Variants in SNTG1 observed in about 807,000 individuals in gnomAD.
SNTG1 encodes gamma-1-syntrophin.
A neutral mutation model predicts 74.7 loss-of-function variants in SNTG1; 39 were observed. That is an observed-to-expected ratio of 0.52 (90% CI 0.40 to 0.68). The LOEUF is 0.68. SNTG1 is among the 30% of genes least tolerant of loss of function. The pLI, the probability that SNTG1 is intolerant of heterozygous loss-of-function variation, is 0.00. For synonymous variants in SNTG1, 254 were observed against 217.1 expected, an observed-to-expected ratio of 1.17 and a Z score of -1.49; for missense variants, 685 against 609.5, an observed-to-expected ratio of 1.12 and a Z score of -1.30.
intron 12 of SNTG1, among the ~76,000 whole-genome samples, chr8:50,582,705 G>C (rs1191345200): frequency 6.6e-6 from 1 of 152,044 alleles, no homozygotes; most frequent in Non-Finnish European, 1.5e-5. Context: ...AAGTCTGGAG[G>C]TTCCCATTTA....
At chr8:49,983,711 T>C (rs1812887248) in intron 1 of SNTG1, among the ~76,000 whole-genome samples, 1 of 152,228 alleles carries the variant, frequency 6.6e-6, no homozygotes, top group African/African-American at 2.4e-5. Context: ...AGGGCTGGGA[T>C]GGTGCTGTCT....
chr8:50,536,569 T>G, intron 10 of SNTG1, 109 bp from the exon 11 acceptor site: 1 of 1,354,386 alleles, frequency 7.4e-7, no homozygotes, highest in East Asian at 2.3e-5. Context: ...ATTAAAGTCT[T>G]TTGATCATTT....
At chr8:50,645,009 G>A (rs2131195473) in intron 13 of SNTG1, among the ~76,000 whole-genome samples, 1 of 151,390 alleles carries the variant, frequency 6.6e-6, no homozygotes, top group South Asian at 2.1e-4. Flanking sequence ...GCCCACCTTG[G>A]CCGCCCACAG....
At position 50,103,296 on chromosome 8, in the gene SNTG1, T is replaced by C. The variant is rs567593276; in HGVS notation, c.-102-69265T>C. 2.2e-3 allele frequency among the ~76,000 whole-genome samples: 331 copies of C among 152,278 alleles called. 2 individuals are homozygous for C. Among genetic ancestry groups the C allele is most frequent in the African/African-American group, 7.6e-3 (315 of 41,576 alleles). ...TTCACGTCCTTAGTAAGTTGGATTC[T>C]TAGGTATTTTATTCTCTTTGAAGCA... On this transcript the variant is annotated intron_variant, in intron 1 of 18. Coordinates refer to ENST00000642720, the MANE Select transcript of SNTG1 (RefSeq NM_018967.5).
At chr8:50,310,355 T>C (rs2090061519) in intron 2 of SNTG1, among the ~76,000 whole-genome samples, 1 of 152,094 alleles carries the variant, frequency 6.6e-6, no homozygotes, top group Non-Finnish European at 1.5e-5. Context: ...GTTCTAAGAG[T>C]AGAATTTCAA....
At chr8:50,266,609 CATATGGT>C (rs1202567393) in intron 2 of SNTG1, among the ~76,000 whole-genome samples, 1 of 146,520 alleles carries the variant, frequency 6.8e-6, no homozygotes, top group Non-Finnish European at 1.5e-5. Context: ...TTTGGTGGGG[CATATGGT>C]ACCACAACAG....
intron 11 of SNTG1, among the ~76,000 whole-genome samples, chr8:50,548,879 C>T (rs1469176112): frequency 3.9e-5 from 6 of 152,088 alleles, no homozygotes; most frequent in Non-Finnish European, 7.4e-5. Context: ...GAAGTCCAGT[C>T]GATAGTCTTC....
chr8:50,445,043 C>T (rs1190073455), intron 5 of SNTG1, among the ~76,000 whole-genome samples: 1 of 152,192 alleles, frequency 6.6e-6, no homozygotes, highest in African/African-American at 2.4e-5. Context: ...ATTTATTCAT[C>T]ACCCTTTTAT....
chr8:50,499,478 C>T (rs1203342696), intron 8 of SNTG1, among the ~76,000 whole-genome samples: 1 of 150,300 alleles, frequency 6.7e-6, no homozygotes, highest in Non-Finnish European at 1.5e-5. Flanking sequence ...ATGTCATCTG[C>T]AGATAGAGGC....
At chr8:50,234,787 C>A (rs1322901480) in intron 2 of SNTG1, among the ~76,000 whole-genome samples, 1 of 152,038 alleles carries the variant, frequency 6.6e-6, no homozygotes, top group Admixed American at 6.6e-5. Context: ...TGGCATCAAG[C>A]AATCACTTCA....
rs1585577552 is a variant in SNTG1 at position 50,526,755 on chromosome 8, C to G, written c.467-3422C>G. 2.0e-5 allele frequency among the ~76,000 whole-genome samples: 3 copies of G among 152,178 alleles called. No individual in the cohort carries two copies. The East Asian group carries it at 5.8e-4, about 29-fold the overall frequency. On this transcript the variant is annotated intron_variant, in intron 9 of 18. Transcript: ENST00000642720. ...TTCTCCTGCTCAGCCACCCAAGTAG[C>G]TGGGACTACAGGCGCTTGCCACCAC...
Position 50,530,133 on chromosome 8 carries a change from A to G in SNTG1, c.467-44A>G, listed in dbSNP as rs372089863. The G allele has an allele frequency of 3.3e-6, 5 of 1,511,160 alleles. No homozygotes were observed. In the African/African-American group the frequency reaches 5.5e-5, roughly 17 times the overall value. 93.6% of individuals were successfully genotyped at this position (1,511,160 alleles called of 1,614,324 possible). A position where few individuals can be genotyped will look rare whatever the true frequency, so the allele number is the denominator to read the frequency against. ...ATGGAATGCATCAGTTTAGAAGGTT[A>G]TGGCATTCTCACCAGTGGAATGTTA... On this transcript the variant is annotated intron_variant, in intron 9 of 18. Transcript: ENST00000642720.
intron 12 of SNTG1, among the ~76,000 whole-genome samples, chr8:50,584,332 A>G (rs2094632701): frequency 6.6e-6 from 1 of 150,998 alleles, no homozygotes; most frequent in Non-Finnish European, 1.5e-5. Context: ...ATCCTTGAGG[A>G]ATCACCACAC....
At chr8:50,609,648 A>G (rs1276184879) in intron 13 of SNTG1, among the ~76,000 whole-genome samples, 1 of 152,128 alleles carries the variant, frequency 6.6e-6, no homozygotes, top group Non-Finnish European at 1.5e-5. Context: ...TTTCTGCCTT[A>G]GACTATCAAT....
rs946969613 is a variant in SNTG1, at chr8:50,459,979, C to A, written c.363+9250C>A. 3.9e-5 allele frequency among the ~76,000 whole-genome samples: 6 copies of A among 152,084 alleles called. No homozygotes were observed. In the East Asian group the frequency reaches 1.2e-3, roughly 29 times the overall value. ...TGGTGCTGCAATGAACAAGTGAATG[C>A]GTGTGTCTTTTCTGTAAAATGATTT... On this transcript the variant is annotated intron_variant, in intron 8 of 18. Coordinates refer to ENST00000642720, the MANE Select transcript of SNTG1 (RefSeq NM_018967.5).
intron 18 of SNTG1, among the ~76,000 whole-genome samples, chr8:50,760,409 C>G (rs1295873313): frequency 6.6e-6 from 1 of 151,988 alleles, no homozygotes; most frequent in Non-Finnish European, 1.5e-5. Context: ...GCATCCTTGT[C>G]TTGTGCCAGG....
chr8:50,102,076 T>C (rs1441611279), intron 1 of SNTG1, among the ~76,000 whole-genome samples: 1 of 152,034 alleles, frequency 6.6e-6, no homozygotes, highest in Non-Finnish European at 1.5e-5. Context: ...ATATAACCAG[T>C]AATGGAATGG....
At chr8:50,100,050 G>A (rs1054310093) in intron 1 of SNTG1, among the ~76,000 whole-genome samples, 1 of 151,896 alleles carries the variant, frequency 6.6e-6, no homozygotes, top group Admixed American at 6.6e-5. Context: ...TGCAAATGTG[G>A]TGTACATACA....
chr8:50,521,399 C>G (rs902000295), intron 9 of SNTG1, among the ~76,000 whole-genome samples: 2 of 152,110 alleles, frequency 1.3e-5, no homozygotes, highest in Non-Finnish European at 2.9e-5. Flanking sequence ...CACATGTACC[C>G]CAGAACTTAA....
Sources: allele counts gnomAD v4.1 joint callset (sites outside exome capture counted in the v4.1 genomes callset), GRCh38; gene constraint gnomAD v4.1.1; transcripts MANE v1.5; gene names NCBI Gene and HGNC (gene_info 2026-07-23, HGNC 2026-07-21).